The following RBM4B variants were observed in gnomAD, a reference collection of about 807,000 sequenced individuals.
RBM4B encodes the protein RNA binding motif protein 4B.
In RBM4B, 13 loss-of-function variants were observed where a neutral mutation model predicts 28.5. The observed-to-expected ratio is 0.46, with a 90% CI of 0.30 to 0.72. The LOEUF (loss-of-function observed/expected upper bound fraction) is 0.72. Among genes scored for constraint, RBM4B ranks in the 30% least tolerant of loss-of-function variants. The probability of loss-of-function intolerance (pLI) is 0.09; values close to 1 mark genes in which losing one functional copy is unlikely to be tolerated. For missense variants in RBM4B, 387 were observed against 477.6 expected (o/e 0.81, Z 1.77); for synonymous variants, 167 against 179.1 (o/e 0.93, Z 0.54).
In RBM4B at chr11:66,668,811, T is replaced by G. The variant is rs375684620; in HGVS notation, c.893A>C (p.Tyr298Ser). 170 of 1,614,096 alleles carry G rather than the reference T, an allele frequency of 1.1e-4. No homozygotes were observed. Among genetic ancestry groups the G allele is most frequent in the Non-Finnish European group, 1.3e-4 (156 of 1,180,002 alleles). ...MAAAAATTSS[Y>S]YGRDRSPLRR... The stretch of plus-strand genomic sequence containing the variant: ...CAGTGGGCTCCTGTCCCTTCCATAG[T>G]AGGAGGAAGTGGTGGCTGCAGCAGC... Residue 298 changes from tyrosine (Y) to serine (S), a missense_variant, in exon 3 of 4, where the codon TAC becomes TCC. Physicochemically the swap from Tyr to Ser is moderately radical, Grantham distance 144. This residue lies in a region of RBM4B where 226 missense variants were observed against 220.6 expected (regional missense o/e 1.02). Coordinates refer to ENST00000310046, the MANE Select transcript of RBM4B (RefSeq NM_031492.4).
intron 2 of RBM4B, chr11:66,670,807 C>CAA (rs879056062): frequency 2.7e-3 from 1,350 of 508,874 alleles, no homozygotes; most frequent in East Asian, 3.6e-3. Context: ...GACTCCATCT[C>CAA]AAAAAAAAAA....
chr11:66,671,046 G>A, intron 2 of RBM4B: 1 of 702,368 alleles, frequency 1.4e-6, no homozygotes, highest in Admixed American at 2.0e-5. Context: ...ACCCTGAGAG[G>A]GGAGCGGGTT....
chr11:66,669,393 C>T (rs1939383828), intron 2 of RBM4B, 102 bp from the exon 3 acceptor site: 7 of 1,108,654 alleles, frequency 6.3e-6, no homozygotes, highest in Middle Eastern at 2.0e-4. Context: ...GACACATAGA[C>T]GCACACACCT....
chr11:66,668,437 T>C, intron 3 of RBM4B, 178 bp downstream of exon 3: 2 of 573,406 alleles, frequency 3.5e-6, no homozygotes, highest in East Asian at 2.8e-5. Context: ...CACTAACACC[T>C]TGACAGGCCA....
chr11:66,666,247 TG>T, intron 3 of RBM4B: 3 of 1,035,384 alleles, frequency 2.9e-6, no homozygotes, highest in Non-Finnish European at 3.6e-6. Flanking sequence ...CACCAATGGC[TG>T]GGGGAAAAAA....
chr11:66,668,109 C>G (rs1337220826), intron 3 of RBM4B: 1 of 159,864 alleles, frequency 6.3e-6, no homozygotes, highest in Non-Finnish European at 1.4e-5. Flanking sequence ...CAGCTTACCA[C>G]TACAGTACTT....
intron 2 of RBM4B, chr11:66,670,925 C>G (rs1348750490): frequency 2.8e-6 from 2 of 702,482 alleles, no homozygotes; most frequent in African/African-American, 3.5e-5. Context: ...GTTGCTCTCT[C>G]TTTAACAGAC....
chr11:66,675,390 G>A (rs1939604556), intron 2 of RBM4B, among the ~76,000 whole-genome samples: 1 of 152,170 alleles, frequency 6.6e-6, no homozygotes, highest in Non-Finnish European at 1.5e-5. Flanking sequence ...ACTAGTTAAT[G>A]GTAGGAAGTA....
chr11:66,674,263 C>G (rs1446681555), intron 2 of RBM4B, among the ~76,000 whole-genome samples: 5 of 148,846 alleles, frequency 3.4e-5, no homozygotes, highest in Non-Finnish European at 5.9e-5. Context: ...TTGCTCTGTC[C>G]CCCAGGCTGG....
intron 2 of RBM4B, among the ~76,000 whole-genome samples, chr11:66,672,331 AC>A (rs1402789286): frequency 7.1e-6 from 1 of 141,206 alleles, no homozygotes; most frequent in East Asian, 2.4e-4. Flanking sequence ...AATCACTTGA[AC>A]CCGGGAGGCG....
At chr11:66,667,127 A>G (rs1330058300) in intron 3 of RBM4B, 1 of 152,204 alleles carries the variant, frequency 6.6e-6, no homozygotes, top group East Asian at 1.9e-4. Context: ...ACTCAGTAGT[A>G]ACTCACTTTA....
chr11:66,666,007 GTTTTA>G (rs1414531356), intron 3 of RBM4B: 5 of 1,446,220 alleles, frequency 3.5e-6, no homozygotes, highest in African/African-American at 1.4e-5. Context: ...AATGTGTTTT[GTTTTA>G]ATCTTTCACA....
intron 2 of RBM4B, among the ~76,000 whole-genome samples, chr11:66,670,142 C>T (rs1041277301): frequency 6.6e-6 from 1 of 152,148 alleles, no homozygotes; most frequent in African/African-American, 2.4e-5. Context: ...ATGATGGGTA[C>T]ACAAACCATA....
chr11:66,668,775 G>T lies in RBM4B; in HGVS notation c.929C>A (p.Ala310Glu). ...CTCTCCAACTGTGGGGAGCATGGCT[G>T]CAGCACGACGCAGTGGGCTCCTGTC... is the stretch of plus-strand genomic sequence containing the variant. ...GRDRSPLRRA[A>E]AMLPTVGEGY... The change falls in exon 3 of 4, where the codon GCA (alanine) becomes GAA (glutamate). Residue 310 changes from alanine to glutamate, a missense_variant. By Grantham distance (107) the Ala-to-Glu change is moderately radical. Coordinates refer to ENST00000310046, the MANE Select transcript of RBM4B (RefSeq NM_031492.4). 1 of 1,614,248 alleles carries T rather than the reference G, an allele frequency of 6.2e-7. No individual in the cohort carries two copies. Among genetic ancestry groups the T allele is most frequent in the Non-Finnish European group, 8.5e-7 (1 of 1,180,032 alleles).
At position 66,665,637 on chromosome 11, in the gene RBM4B, C is replaced by T. The variant is rs1321389559; in HGVS notation, c.*10-59G>A. On this transcript the variant is annotated intron_variant, in intron 3 of 3. Coordinates refer to ENST00000310046, the MANE Select transcript of RBM4B (RefSeq NM_031492.4). ...ATGCCTGGAGAGCAGCCTGGCTCCG[C>T]GTACAAGCGCCCTGGGTCCTGTCCT... 5.2e-6 allele frequency: 8 copies of T among 1,534,824 alleles called. No homozygotes were observed. In the African/African-American group the frequency reaches 8.2e-5, roughly 16 times the overall value.
intron 3 of RBM4B, chr11:66,665,828 A>AAAT (rs1939210456): frequency 1.3e-6 from 2 of 1,502,636 alleles, no homozygotes; most frequent in African/African-American, 2.8e-5. Flanking sequence ...TGTTGGTGAT[A>AAAT]AATACATCTT....
intron 2 of RBM4B, among the ~76,000 whole-genome samples, chr11:66,674,678 C>T (rs749188568): frequency 5.9e-5 from 9 of 152,016 alleles, no homozygotes; most frequent in Middle Eastern, 3.2e-3. Context: ...AGCGATTCTC[C>T]TGTCTCAGCC....
intron 2 of RBM4B, among the ~76,000 whole-genome samples, chr11:66,671,326 AAC>A (rs1185222498): frequency 6.1e-4 from 93 of 152,302 alleles, no homozygotes; most frequent in African/African-American, 2.1e-3. Context: ...TTTGAACAGA[AAC>A]ACAGATTTCT....
Position 66,666,523 on chromosome 11 carries a change from G to A in RBM4B, c.*10-945C>T, listed in dbSNP as rs544810845. ...AAGGTAAGTTTCTTTAAAAGTCATC[G>A]CTAAAAAGAGGTTAGTTGAACAACC... is the stretch of plus-strand genomic sequence containing the variant. On this transcript the variant is annotated intron_variant, in intron 3 of 3. Transcript: ENST00000310046. 68 of 839,884 alleles carry A rather than the reference G, an allele frequency of 8.1e-5. No individual in the cohort carries two copies. In the Admixed American group the frequency reaches 1.1e-3, roughly 14 times the overall value. 52.0% of individuals were successfully genotyped at this position (839,884 alleles called of 1,614,324 possible). A position where few individuals can be genotyped will look rare whatever the true frequency, so the allele number is the denominator to read the frequency against.
Sources: allele counts gnomAD v4.1 joint callset (sites outside exome capture counted in the v4.1 genomes callset), GRCh38; gene constraint gnomAD v4.1.1; regional missense constraint gnomAD v4.1.1; transcripts MANE v1.5; gene names NCBI Gene and HGNC (gene_info 2026-07-23, HGNC 2026-07-21).